The following HMCN1 variants were observed in gnomAD, a reference collection of about 807,000 sequenced individuals.
HMCN1 encodes hemicentin-1.
Under a neutral mutation model 625.9 loss-of-function variants are expected in HMCN1, and 321 were observed. The ratio of observed to expected loss-of-function variants is 0.51; its 90% CI spans 0.47 to 0.56. HMCN1 has a LOEUF of 0.56. HMCN1 is among the 20% of genes least tolerant of loss of function. HMCN1 has a pLI of 0.00. For synonymous variants in HMCN1, 2,425 were observed against 2,417.6 expected (o/e 1.00, Z -0.09); for missense variants, 6,588 against 6,887.3 (o/e 0.96, Z 1.54).
intron 1 of HMCN1, among the ~76,000 whole-genome samples, chr1:185,828,832 G>A (rs563167698): frequency 6.6e-6 from 1 of 152,060 alleles, no homozygotes; most frequent in South Asian, 2.1e-4. Flanking sequence ...ATATAAACAT[G>A]ACATATCAGA....
chr1:185,857,099 GT>G (rs1409899005), intron 2 of HMCN1, among the ~76,000 whole-genome samples: 1 of 151,946 alleles, frequency 6.6e-6, no homozygotes. Context: ...ATTTAATCTT[GT>G]TTTCCAGGAA....
intron 19 of HMCN1, 91 bp from the exon 20 acceptor site, chr1:185,987,341 T>C: frequency 1.2e-6 from 1 of 819,108 alleles, no homozygotes; most frequent in South Asian, 1.3e-5. Context: ...TTTACAAACA[T>C]TGATGTTGTA....
At chr1:186,055,084 T>A (rs1028847300) in intron 44 of HMCN1, among the ~76,000 whole-genome samples, 4 of 151,952 alleles carry the variant, frequency 2.6e-5, no homozygotes, top group Non-Finnish European at 5.9e-5. Context: ...TAGGAAGACT[T>A]ACGTAAGGCA....
In HMCN1 at chr1:186,007,206, T is replaced by C. The variant is rs767584664; in HGVS notation, c.4554T>C (p.Asn1518=). 1.7e-5 allele frequency: 28 copies of C among 1,613,342 alleles called. No homozygotes were observed. The South Asian group carries it at 3.0e-4, about 17-fold the overall frequency. Residue 1518 remains asparagine, a synonymous_variant, in exon 30 of 107, where the codon AAT becomes AAC. Coordinates refer to ENST00000271588, the MANE Select transcript of HMCN1 (RefSeq NM_031935.3). Reference sequence around the variant, plus strand: ...TACATTTAAAGAATGCACGGAGAAATGACAAGGGGCGCTACCAATGTACTG... The same window carrying C: ...TACATTTAAAGAATGCACGGAGAAACGACAAGGGGCGCTACCAATGTACTG... ...QVLHLKNARR[N]DKGRYQCTVS... is the part of the protein sequence containing the mutation.
Position 186,151,211 on chromosome 1 carries a change from C to G in HMCN1, c.14620C>G (p.Arg4874Gly). The G allele has an allele frequency of 6.2e-7, 1 of 1,613,518 alleles. No homozygotes were observed. Among genetic ancestry groups the G allele is most frequent in the Non-Finnish European group, 8.5e-7 (1 of 1,179,712 alleles). The change falls in exon 94 of 107, where the codon CGA becomes GGA. Residue 4874 changes from arginine (R) to glycine (G), a missense_variant. By Grantham distance (125) the Arg-to-Gly change is moderately radical. Coordinates refer to ENST00000271588, the MANE Select transcript of HMCN1 (RefSeq NM_031935.3). ...TTTTCCCCCAATAGGTGGGCCCCAG[C>G]GAGCCAGAGGAAGTGTTATTGGAAA... ...NVQACPGGPQ[R>G]ARGSVIGNIN...
At chr1:186,095,209 C>T (rs376090637) in intron 67 of HMCN1, 34 bp from the exon 68 acceptor site, 3 of 1,604,244 alleles carry the variant, frequency 1.9e-6, no homozygotes, top group Non-Finnish European at 2.6e-6. Context: ...TTACAATAGA[C>T]ATCCAAATTT....
At chr1:185,761,576 G>A (rs897845650) in intron 1 of HMCN1, among the ~76,000 whole-genome samples, 1 of 152,072 alleles carries the variant, frequency 6.6e-6, no homozygotes, top group Non-Finnish European at 1.5e-5. Context: ...CACCATCAAA[G>A]AGTCAGACAA....
At chr1:185,753,142 A>T (rs1654923930) in intron 1 of HMCN1, among the ~76,000 whole-genome samples, 1 of 152,144 alleles carries the variant, frequency 6.6e-6, no homozygotes, top group Admixed American at 6.5e-5. Flanking sequence ...CAAACAAACA[A>T]GCAACTCTTA....
At chr1:186,166,495 G>T (rs139121268) in intron 99 of HMCN1, among the ~76,000 whole-genome samples, 192 bp downstream of exon 99, 1 of 152,324 alleles carries the variant, frequency 6.6e-6, no homozygotes, top group African/African-American at 2.4e-5. Flanking sequence ...TGCATGTGGG[G>T]CACTCTCAAG....
In HMCN1 at chr1:186,152,770, C is replaced by T; in HGVS notation, c.14917C>T (p.His4973Tyr). 1.2e-6 allele frequency: 2 copies of T among 1,613,920 alleles called. No homozygotes were observed. The highest frequency in any genetic ancestry group is 1.7e-6 in the Non-Finnish European group (2 of 1,179,866). Residue 4973 changes from histidine (H) to tyrosine (Y), a missense_variant, in exon 96 of 107, where the codon CAT (histidine) becomes TAT (tyrosine). Transcript: ENST00000271588. ...FATGEILQMSHIARGLDSDGS... is the reference protein window; with the variant it reads ...FATGEILQMSYIARGLDSDGS... ...CCCAGGAGAAATCTTGCAGATGAGT[C>T]ATATTGCCCGGGGCTTGGATTCCGA...
intron 89 of HMCN1, among the ~76,000 whole-genome samples, chr1:186,140,200 A>G (rs1428762287): frequency 6.6e-6 from 1 of 152,120 alleles, no homozygotes; most frequent in South Asian, 2.1e-4. Context: ...GGATTTTGCC[A>G]GTTGTCCCAG....
intron 11 of HMCN1, among the ~76,000 whole-genome samples, chr1:185,940,041 C>T (rs969196218): frequency 6.6e-6 from 1 of 152,096 alleles, no homozygotes; most frequent in Non-Finnish European, 1.5e-5. Flanking sequence ...TATTTGTAGG[C>T]AGCTCTAGTT....
At chr1:185,791,410 T>C (rs6683809) in intron 1 of HMCN1, among the ~76,000 whole-genome samples, 4,721 of 152,244 alleles carry the variant, frequency 0.031, 227 homozygotes, top group African/African-American at 0.1. Flanking sequence ...CACTGAAAAC[T>C]AAATTATTCT....
chr1:185,874,567 T>A (rs145783115), intron 4 of HMCN1, among the ~76,000 whole-genome samples: 214 of 152,148 alleles, frequency 1.4e-3, no homozygotes, highest in African/African-American at 4.4e-3. Flanking sequence ...AGAGCTCCCT[T>A]GTAATATTTT....
At chr1:185,881,019 G>T (rs1409185655) in intron 4 of HMCN1, among the ~76,000 whole-genome samples, 1 of 152,190 alleles carries the variant, frequency 6.6e-6, no homozygotes, top group Non-Finnish European at 1.5e-5. Flanking sequence ...CCAGCCAGTG[G>T]TGTCTGCGAC....
At chr1:185,850,373 G>T (rs542044741) in intron 2 of HMCN1, among the ~76,000 whole-genome samples, 2 of 152,202 alleles carry the variant, frequency 1.3e-5, no homozygotes, top group Non-Finnish European at 2.9e-5. Flanking sequence ...GGCATTTATT[G>T]TATTCATTTT....
chr1:185,771,193 C>G (rs570321751), intron 1 of HMCN1, among the ~76,000 whole-genome samples: 1 of 152,254 alleles, frequency 6.6e-6, no homozygotes, highest in African/African-American at 2.4e-5. Context: ...TAGAGCATTC[C>G]AGAATACTGT....
Position 186,190,631 on chromosome 1 carries a change from A to T in HMCN1, c.*753A>T, listed in dbSNP as rs2102689731. 1 of 192,940 alleles carries T rather than the reference A, an allele frequency of 5.2e-6. No homozygotes were observed. Among genetic ancestry groups the T allele is most frequent in the South Asian group, 1.9e-4 (1 of 5,194 alleles). The allele number at this position is 192,940 out of a possible 1,614,324, so 12.0% of individuals were successfully genotyped here. ...TAAACTTTCATCCAGTTAGCTTCAT[A>T]ACTTTTACGTTCCAGAATTTTGTTT... On this transcript the variant is annotated 3_prime_UTR_variant, in exon 107 of 107. Coordinates refer to ENST00000271588, the MANE Select transcript of HMCN1 (RefSeq NM_031935.3).
intron 36 of HMCN1, among the ~76,000 whole-genome samples, chr1:186,025,915 A>G (rs1655031824): frequency 1.3e-5 from 2 of 152,196 alleles, no homozygotes; most frequent in Non-Finnish European, 2.9e-5. Context: ...AAACATTTCA[A>G]CTAATATGAT....
Sources: allele counts gnomAD v4.1 joint callset (sites outside exome capture counted in the v4.1 genomes callset), GRCh38; gene constraint gnomAD v4.1.1; transcripts MANE v1.5; gene names NCBI Gene and HGNC (gene_info 2026-07-23, HGNC 2026-07-21).